Variants in AFAP1 observed in about 807,000 individuals in gnomAD.
AFAP1 encodes actin filament-associated protein 1.
A neutral mutation model predicts 93.9 loss-of-function variants in AFAP1; 75 were observed. The ratio of observed to expected loss-of-function variants is 0.80; its 90% CI spans 0.66 to 0.97. The LOEUF is 0.97. Among genes scored for constraint, AFAP1 ranks in the 50% least tolerant of loss-of-function variants. The pLI, the probability that AFAP1 is intolerant of heterozygous loss-of-function variation, is 0.00. For missense variants in AFAP1, 1,201 were observed against 1,050.8 expected (o/e 1.14, Z -1.98); for synonymous variants, 517 against 430.7 (o/e 1.20, Z -2.48).
At chr4:7,868,163 T>C (rs1480585885) in intron 3 of AFAP1, among the ~76,000 whole-genome samples, 2 of 152,104 alleles carry the variant, frequency 1.3e-5, no homozygotes, top group Non-Finnish European at 2.9e-5. Context: ...GTACATATTT[T>C]TCTCTCTTGG....
intron 9 of AFAP1, 123 bp from the exon 10 acceptor site, chr4:7,800,776 T>C: frequency 1.1e-6 from 1 of 925,130 alleles, no homozygotes; most frequent in Non-Finnish European, 1.7e-6. Context: ...CTTCACACGA[T>C]CGATCAAGCT....
chr4:7,774,753 A>G lies in AFAP1; in HGVS notation c.2048T>C (p.Ile683Thr). Reference sequence around the variant, plus strand: ...ACCCTTCATACCGGCGTTCACTTCAATAGCCGCTCGAAGGTCTTTTCTTTC... The same window carrying G: ...ACCCTTCATACCGGCGTTCACTTCAGTAGCCGCTCGAAGGTCTTTTCTTTC... ...RKERKDLRAA[I>T]EVNAGRKPQA... Residue 683 changes from isoleucine to threonine, a missense_variant, in exon 15 of 18, where the codon ATT becomes ACT. Transcript: ENST00000420658. The G allele has an allele frequency of 1.2e-6, 2 of 1,614,198 alleles. No homozygotes were observed. Among genetic ancestry groups the G allele is most frequent in the East Asian group, 4.5e-5 (2 of 44,882 alleles).
chr4:7,826,633 G>A (rs1472294260), intron 6 of AFAP1, among the ~76,000 whole-genome samples: 5 of 152,252 alleles, frequency 3.3e-5, no homozygotes, highest in Non-Finnish European at 7.3e-5. Context: ...CACGGGTCTT[G>A]GGTCCTGGGC....
intron 1 of AFAP1, among the ~76,000 whole-genome samples, chr4:7,913,856 GC>G (rs1719911490): frequency 6.6e-6 from 1 of 152,138 alleles, no homozygotes; most frequent in African/African-American, 2.4e-5. Context: ...CTGCTTCATA[GC>G]CATTCCAATC....
At chr4:7,910,422 C>T (rs1719660887) in intron 1 of AFAP1, among the ~76,000 whole-genome samples, 1 of 152,108 alleles carries the variant, frequency 6.6e-6, no homozygotes, top group Non-Finnish European at 1.5e-5. Flanking sequence ...ATTCAAAATA[C>T]ATAGAAATAA....
chr4:7,787,413 G>T (rs1466528697), intron 11 of AFAP1, among the ~76,000 whole-genome samples: 9 of 152,216 alleles, frequency 5.9e-5, no homozygotes, highest in African/African-American at 2.2e-4. Context: ...GAGGGGAGGG[G>T]TCGTGGGAAC....
At chr4:7,798,989 G>A (rs142733149) in intron 10 of AFAP1, 1 of 986,314 alleles carries the variant, frequency 1.0e-6, no homozygotes, top group African/African-American at 1.7e-5. Context: ...TACATCAAGA[G>A]TACAGTTTCT....
chr4:7,936,748 A>G (rs554702827), intron 1 of AFAP1, among the ~76,000 whole-genome samples: 1 of 152,062 alleles, frequency 6.6e-6, no homozygotes, highest in East Asian at 1.9e-4. Flanking sequence ...CACCCGGCTA[A>G]CTTTTTGTAT....
chr4:7,766,938 C>T (rs1017255478), intron 17 of AFAP1, among the ~76,000 whole-genome samples: 6 of 152,028 alleles, frequency 3.9e-5, no homozygotes, highest in South Asian at 2.1e-4. Flanking sequence ...AATACCGCAG[C>T]GGGCATAGCG....
intron 1 of AFAP1, among the ~76,000 whole-genome samples, chr4:7,892,801 G>A (rs1718546283): frequency 6.6e-6 from 1 of 152,074 alleles, no homozygotes; most frequent in Middle Eastern, 3.2e-3. Context: ...CAGCCAGCTG[G>A]GATGAAATTG....
chr4:7,771,406 TG>T (rs1254186007), intron 16 of AFAP1, among the ~76,000 whole-genome samples: 1 of 151,994 alleles, frequency 6.6e-6, no homozygotes, highest in African/African-American at 2.4e-5. Flanking sequence ...AATATATAAT[TG>T]TATTTTATAT....
chr4:7,765,833 C>A (rs534537510), intron 17 of AFAP1, among the ~76,000 whole-genome samples: 6 of 152,288 alleles, frequency 3.9e-5, no homozygotes, highest in African/African-American at 1.2e-4. Context: ...ACGTGAGTCC[C>A]ACCAAGGACT....
chr4:7,918,094 G>A (rs540828379), intron 1 of AFAP1, among the ~76,000 whole-genome samples: 5 of 152,356 alleles, frequency 3.3e-5, no homozygotes, highest in African/African-American at 1.2e-4. Context: ...TTTGCTTGCT[G>A]TGAAAAGATG....
chr4:7,785,957 A>T (rs1717216785), intron 12 of AFAP1, among the ~76,000 whole-genome samples: 1 of 152,208 alleles, frequency 6.6e-6, no homozygotes, highest in Non-Finnish European at 1.5e-5. Context: ...GAAAAATGAC[A>T]GTGACATTAA....
At position 7,778,797 on chromosome 4, in the gene AFAP1, G is replaced by A. The variant is rs114090608; in HGVS notation, c.1862C>T (p.Ala621Val). 2.1e-3 allele frequency: 3,470 copies of A among 1,614,178 alleles called. 29 individuals carry two copies. In the African/African-American group the frequency reaches 0.029, roughly 13 times the overall value. The change falls in exon 14 of 18, where the codon GCG (alanine) becomes GTG (valine). Residue 621 changes from alanine (A) to valine (V), a missense_variant. Coordinates refer to ENST00000420658, the MANE Select transcript of AFAP1 (RefSeq NM_001134647.2). ...GKTLSSQPKK[A>V]DPAAVVKRTG... ...CCTTTTCACAACAGCCGCGGGATCC[G>A]CTTTCTTTGGCTGACTGCTCAGAGT... is the stretch of plus-strand genomic sequence containing the variant.
chr4:7,772,503 G>A (rs1047393365), intron 16 of AFAP1: 11 of 263,756 alleles, frequency 4.2e-5, no homozygotes, highest in Non-Finnish European at 5.7e-5. Flanking sequence ...CTACTGAACT[G>A]GCATCAAATC....
At chr4:7,931,618 G>C (rs1190343633) in intron 1 of AFAP1, among the ~76,000 whole-genome samples, 3 of 151,276 alleles carry the variant, frequency 2.0e-5, no homozygotes, top group Admixed American at 2.0e-4. Flanking sequence ...GCTGACCTCA[G>C]TGGATCCTAC....
intron 4 of AFAP1, 24 bp downstream of exon 4, chr4:7,855,442 G>C: frequency 6.5e-7 from 1 of 1,529,880 alleles, no homozygotes; most frequent in South Asian, 1.2e-5. Context: ...AAGGCAGCAT[G>C]GCTGGGCAGG....
At chr4:7,768,198 C>G (rs541065351) in intron 17 of AFAP1, among the ~76,000 whole-genome samples, 1 of 152,270 alleles carries the variant, frequency 6.6e-6, no homozygotes, top group Admixed American at 6.5e-5. Context: ...CTCACACCAT[C>G]GCACTCCGTG....
Sources: gnomAD v4.1 joint callset for allele counts (sites outside exome capture counted in the v4.1 genomes callset) on GRCh38, gnomAD v4.1.1 for gene constraint, MANE v1.5 for transcripts, NCBI Gene and HGNC (gene_info 2026-07-23, HGNC 2026-07-21) for gene names.